Variants in USH2A observed in about 807,000 individuals in gnomAD.
USH2A encodes Usher syndrome 2A (autosomal recessive, mild).
A neutral mutation model predicts 538.9 loss-of-function variants in USH2A; 443 were observed. That is an observed-to-expected ratio of 0.82 (90% CI 0.76 to 0.89). The LOEUF is 0.89. Among genes scored for constraint, USH2A ranks in the 40% least tolerant of loss-of-function variants. The pLI is 0.00. For missense variants in USH2A, 6,633 were observed against 6,324.8 expected (o/e 1.05, Z -1.65); for synonymous variants, 2,413 against 2,273.5 (o/e 1.06, Z -1.75).
intron 37 of USH2A, among the ~76,000 whole-genome samples, chr1:215,949,402 T>C (rs1234070921): frequency 1.4e-5 from 2 of 142,526 alleles, no homozygotes; most frequent in Non-Finnish European, 3.1e-5. Context: ...ATTGCTGTCA[T>C]TTTTTCAACT....
At chr1:216,370,624 G>A (rs1283940296) in intron 3 of USH2A, among the ~76,000 whole-genome samples, 1 of 129,760 alleles carries the variant, frequency 7.7e-6, no homozygotes, top group Non-Finnish European at 1.5e-5. Flanking sequence ...GTTGTGGTGA[G>A]CCGAGATCGC....
intron 31 of USH2A, among the ~76,000 whole-genome samples, chr1:216,047,232 G>A (rs1201648466): frequency 6.6e-6 from 1 of 152,078 alleles, no homozygotes; most frequent in Non-Finnish European, 1.5e-5. Flanking sequence ...AATAAAAAAG[G>A]AAATATAAAC....
intron 9 of USH2A, among the ~76,000 whole-genome samples, chr1:216,311,882 A>G (rs959525442): frequency 6.6e-6 from 1 of 152,132 alleles, no homozygotes; most frequent in African/African-American, 2.4e-5. Context: ...ACTTACACAC[A>G]TGCTATAATA....
At chr1:215,701,970 A>G (rs1490064767) in intron 61 of USH2A, among the ~76,000 whole-genome samples, 1 of 152,128 alleles carries the variant, frequency 6.6e-6, no homozygotes, top group Non-Finnish European at 1.5e-5. Flanking sequence ...TTTCCTTTCC[A>G]TACTCAGTGC....
intron 21 of USH2A, among the ~76,000 whole-genome samples, chr1:216,149,757 C>T (rs980463793): frequency 3.3e-5 from 5 of 152,078 alleles, no homozygotes; most frequent in East Asian, 1.9e-4. Context: ...CCTAGCTGGA[C>T]GATCAGTTCT....
At position 216,259,418 on chromosome 1, in the gene USH2A, G is replaced by A. The variant is rs537574813; in HGVS notation, c.1972-8320C>T. On this transcript the variant is annotated intron_variant, in intron 11 of 71. Coordinates refer to ENST00000307340, the MANE Select transcript of USH2A (RefSeq NM_206933.4). ...TTCATCTCGGTCTAGGTTACCACTA[G>A]AAGATGTTGCTGCCAAATACAGTAA... is the stretch of plus-strand genomic sequence containing the variant. 1.6e-3 allele frequency among the ~76,000 whole-genome samples: 248 copies of A among 152,194 alleles called. 2 individuals are homozygous for A. Among genetic ancestry groups the A allele is most frequent in the Middle Eastern group, 3.4e-3 (1 of 294 alleles).
chr1:215,740,276 C>T (rs1660265885), intron 60 of USH2A, among the ~76,000 whole-genome samples: 1 of 152,104 alleles, frequency 6.6e-6, no homozygotes, highest in South Asian at 2.1e-4. Flanking sequence ...AAGCAATGTT[C>T]ATGTTGATCT....
At chr1:215,917,013 G>C (rs1665972447) in intron 38 of USH2A, among the ~76,000 whole-genome samples, 1 of 152,084 alleles carries the variant, frequency 6.6e-6, no homozygotes, top group Non-Finnish European at 1.5e-5. Context: ...GCAGCTCACT[G>C]TGCTCAGAGA....
chr1:215,952,331 C>A (rs1666942141), intron 37 of USH2A, among the ~76,000 whole-genome samples: 1 of 152,200 alleles, frequency 6.6e-6, no homozygotes, highest in Non-Finnish European at 1.5e-5. Context: ...GAATCTTTAT[C>A]CAATTTGCCA....
intron 41 of USH2A, among the ~76,000 whole-genome samples, chr1:215,881,872 C>T (rs73090764): frequency 2.0e-5 from 3 of 152,180 alleles, no homozygotes; most frequent in South Asian, 2.1e-4. Flanking sequence ...GCTAAATTGC[C>T]GGTTAAGTGT....
intron 61 of USH2A, among the ~76,000 whole-genome samples, chr1:215,724,210 T>G (rs1292432668): frequency 8.2e-6 from 1 of 121,760 alleles, no homozygotes; most frequent in African/African-American, 3.0e-5. Context: ...TGGATATATA[T>G]AGAATGTGAA....
intron 64 of USH2A, among the ~76,000 whole-genome samples, chr1:215,662,402 A>G (rs1657468511): frequency 6.6e-6 from 1 of 152,246 alleles, no homozygotes. Flanking sequence ...GAACCAACCC[A>G]TCTTCACATG....
At chr1:215,808,619 C>T (rs1267331778) in intron 49 of USH2A, among the ~76,000 whole-genome samples, 1 of 152,056 alleles carries the variant, frequency 6.6e-6, no homozygotes, top group Non-Finnish European at 1.5e-5. Flanking sequence ...CAATTGTCAA[C>T]TTTTTTCTCC....
intron 46 of USH2A, among the ~76,000 whole-genome samples, chr1:215,843,577 A>G (rs1480746035): frequency 6.6e-6 from 1 of 152,204 alleles, no homozygotes; most frequent in Non-Finnish European, 1.5e-5. Context: ...ATACAAGTGC[A>G]TAAATATTTT....
intron 9 of USH2A, among the ~76,000 whole-genome samples, chr1:216,318,426 CTACTTG>C (rs2102646456): frequency 6.6e-6 from 1 of 152,242 alleles, no homozygotes; most frequent in African/African-American, 2.4e-5. Context: ...ATGTAAGTCT[CTACTTG>C]TATTAAAATA....
intron 4 of USH2A, among the ~76,000 whole-genome samples, chr1:216,355,120 C>T (rs1319213906): frequency 6.6e-6 from 1 of 151,764 alleles, no homozygotes; most frequent in Non-Finnish European, 1.5e-5. Flanking sequence ...CCAGCCTGGC[C>T]AACATGGTGA....
chr1:216,030,017 G>T (rs540671162), intron 32 of USH2A, among the ~76,000 whole-genome samples: 36 of 144,660 alleles, frequency 2.5e-4, no homozygotes, highest in African/African-American at 8.3e-4. Flanking sequence ...TGATATATAT[G>T]ATATATATCA....
At chr1:215,863,773 GA>G (rs1664392696) in intron 44 of USH2A, among the ~76,000 whole-genome samples, 1 of 151,950 alleles carries the variant, frequency 6.6e-6, no homozygotes, top group Non-Finnish European at 1.5e-5. Context: ...CCATTAATTC[GA>G]GACTAACCTA....
chr1:215,979,588 C>A (rs1183829935), intron 35 of USH2A, among the ~76,000 whole-genome samples: 3 of 152,050 alleles, frequency 2.0e-5, no homozygotes, highest in Non-Finnish European at 4.4e-5. Flanking sequence ...TTAAAGACGT[C>A]TTTTCCTGAA....
Sources: gnomAD v4.1 joint callset for allele counts (sites outside exome capture counted in the v4.1 genomes callset) on GRCh38, gnomAD v4.1.1 for gene constraint, MANE v1.5 for transcripts, NCBI Gene and HGNC (gene_info 2026-07-23, HGNC 2026-07-21) for gene names.